The following FAM185A variants were observed in gnomAD, a reference collection of about 807,000 sequenced individuals.
FAM185A encodes the protein family with sequence similarity 185 member A.
Under a neutral mutation model 45.7 loss-of-function variants are expected in FAM185A, and 21 were observed. The ratio of observed to expected loss-of-function variants is 0.46; its 90% confidence interval spans 0.33 to 0.66. The LOEUF (loss-of-function observed/expected upper bound fraction) is 0.66. Ranked by LOEUF, FAM185A falls within the 30% of genes least tolerant of loss-of-function variation. The pLI, the probability that FAM185A is intolerant of heterozygous loss-of-function variation, is 0.03. For synonymous variants in FAM185A, 117 were observed against 194.0 expected, an observed-to-expected ratio of 0.60 and a Z score of 3.30; for missense variants, 305 against 485.4, an observed-to-expected ratio of 0.63 and a Z score of 3.49.
At chr7:102,776,559 C>A (rs1301784858) in intron 5 of FAM185A, among the ~76,000 whole-genome samples, 1 of 151,990 alleles carries the variant, frequency 6.6e-6, no homozygotes, top group Admixed American at 6.6e-5. Flanking sequence ...ACAAGCTATT[C>A]TTCAAATTAT....
intron 7 of FAM185A, among the ~76,000 whole-genome samples, chr7:102,798,760 ATTTT>A (rs1796593098): frequency 6.6e-6 from 1 of 151,936 alleles, no homozygotes; most frequent in African/African-American, 2.4e-5. Flanking sequence ...TATTTATTTT[ATTTT>A]GAGACAGAGT....
chr7:102,844,205 TCA>T, the FAM185A span, among the ~76,000 whole-genome samples: 2 of 152,218 alleles, frequency 1.3e-5, no homozygotes, highest in Non-Finnish European at 2.9e-5. Flanking sequence ...ATAATTAACT[TCA>T]GAGTCATTTA....
the FAM185A span, among the ~76,000 whole-genome samples, chr7:102,839,733 A>T: frequency 6.6e-6 from 1 of 152,234 alleles, no homozygotes; most frequent in South Asian, 2.1e-4. Flanking sequence ...CATGTGAGCC[A>T]CTGTGCCTGG....
chr7:102,759,199 G>C (rs1793959901), intron 3 of FAM185A, among the ~76,000 whole-genome samples: 1 of 151,968 alleles, frequency 6.6e-6, no homozygotes, highest in African/African-American at 2.4e-5. Flanking sequence ...GATGGCTAAT[G>C]TTATTGAAAT....
rs191610285 is a variant in FAM185A, at chr7:102,789,008, G to A, written c.1066+1539G>A. 3.4e-3 allele frequency among the ~76,000 whole-genome samples: 512 copies of A among 152,298 alleles called. 8 individuals carry two copies. The highest frequency in any genetic ancestry group is 0.012 in the African/African-American group (496 of 41,554). ...TGAGTCAGTATGATGAGTGGTGAGT[G>A]CATGTGAAGGCCTAGGACATTACTA... On this transcript the variant is annotated intron_variant, in intron 7 of 7. Transcript: ENST00000413034.
chr7:102,777,961 T>C (rs1795168517), intron 6 of FAM185A, among the ~76,000 whole-genome samples: 1 of 152,224 alleles, frequency 6.6e-6, no homozygotes, highest in South Asian at 2.1e-4. Flanking sequence ...TCTGCACACA[T>C]GGATGTACAC....
chr7:102,827,334 G>A, the FAM185A span, among the ~76,000 whole-genome samples: 1 of 152,038 alleles, frequency 6.6e-6, no homozygotes, highest in Admixed American at 6.6e-5. Flanking sequence ...GCAACCCTGG[G>A]GCCAACCACT....
At chr7:102,829,295 A>T in the FAM185A span, among the ~76,000 whole-genome samples, 1 of 152,264 alleles carries the variant, frequency 6.6e-6, no homozygotes, top group South Asian at 2.1e-4. Context: ...CTTTTTGCAT[A>T]TGAATGTGTC....
At chr7:102,831,350 G>A in the FAM185A span, among the ~76,000 whole-genome samples, 1 of 151,604 alleles carries the variant, frequency 6.6e-6, no homozygotes, top group Admixed American at 6.6e-5. Context: ...CTGACATATA[G>A]TGAGTAGAGG....
intron 7 of FAM185A, among the ~76,000 whole-genome samples, chr7:102,800,418 C>T (rs554515748): frequency 6.6e-6 from 1 of 152,234 alleles, no homozygotes; most frequent in South Asian, 2.1e-4. Flanking sequence ...CCTGAAAAAG[C>T]ATTCAGGAGA....
intron 7 of FAM185A, among the ~76,000 whole-genome samples, chr7:102,802,892 G>A (rs1391160770): frequency 2.0e-5 from 3 of 152,080 alleles, no homozygotes; most frequent in Admixed American, 6.6e-5. Flanking sequence ...ATCATTCAAA[G>A]CTACTATGAA....
the FAM185A span, among the ~76,000 whole-genome samples, chr7:102,819,586 G>T: frequency 1.3e-5 from 2 of 152,094 alleles, no homozygotes; most frequent in Non-Finnish European, 2.9e-5. Flanking sequence ...GGCTGTAATT[G>T]GACCTTAAGG....
chr7:102,835,460 C>A, the FAM185A span, among the ~76,000 whole-genome samples: 1 of 152,160 alleles, frequency 6.6e-6, no homozygotes, highest in African/African-American at 2.4e-5. Flanking sequence ...GCTTTCATAT[C>A]CCTTTCCCAA....
chr7:102,750,035 C>T (rs1172214783), intron 1 of FAM185A, among the ~76,000 whole-genome samples: 1 of 152,184 alleles, frequency 6.6e-6, no homozygotes, highest in African/African-American at 2.4e-5. Context: ...TCATCTTGCT[C>T]ACAGCCTGGG....
chr7:102,823,663 A>T, the FAM185A span, among the ~76,000 whole-genome samples: 42 of 152,334 alleles, frequency 2.8e-4, no homozygotes, highest in East Asian at 7.3e-3. Flanking sequence ...CTCCAAAGGA[A>T]TTTTTTTCCA....
At chr7:102,768,993 A>G (rs1794580649) in intron 4 of FAM185A, among the ~76,000 whole-genome samples, 1 of 152,202 alleles carries the variant, frequency 6.6e-6, no homozygotes, top group South Asian at 2.1e-4. Flanking sequence ...TTTTAAATAT[A>G]CTACTTTATT....
rs1795740710 is a variant in FAM185A, at chr7:102,785,629, G to A, written c.932-1706G>A. On this transcript the variant is annotated intron_variant, in intron 6 of 7. Coordinates refer to ENST00000413034, the MANE Select transcript of FAM185A (RefSeq NM_001145268.2). ...TGCTGGGAAAACTGGCTAGCCATAT[G>A]TAGAAAGCTGAAACTGGATCCCTTC... 2.0e-5 allele frequency among the ~76,000 whole-genome samples: 3 copies of A among 151,394 alleles called. No individual in the cohort carries two copies. The South Asian group carries it at 6.3e-4, about 32-fold the overall frequency.
chr7:102,770,956 C>T (rs1471533731), intron 4 of FAM185A, among the ~76,000 whole-genome samples: 1 of 152,202 alleles, frequency 6.6e-6, no homozygotes, highest in African/African-American at 2.4e-5. Context: ...ATGGAATCAA[C>T]CTATGTGCCC....
the FAM185A span, among the ~76,000 whole-genome samples, chr7:102,831,321 GAT>G: frequency 6.6e-6 from 1 of 151,924 alleles, no homozygotes; most frequent in African/African-American, 2.4e-5. Flanking sequence ...GGTCTGGAGG[GAT>G]GGGATCTTAT....
Sources: gnomAD v4.1 joint callset for allele counts (sites outside exome capture counted in the v4.1 genomes callset) on GRCh38, gnomAD v4.1.1 for gene constraint, MANE v1.5 for transcripts, NCBI Gene and HGNC (gene_info 2026-07-23, HGNC 2026-07-21) for gene names.